Variants in GNAI1 observed in about 807,000 individuals in gnomAD.
The protein encoded by GNAI1 is G protein subunit alpha i1.
A neutral mutation model predicts 38.9 loss-of-function variants in GNAI1; 11 were observed. The observed-to-expected ratio is 0.28, with a 90% CI of 0.18 to 0.47. The LOEUF (loss-of-function observed/expected upper bound fraction) is 0.47. Among genes scored for constraint, GNAI1 ranks in the 20% least tolerant of loss-of-function variants. GNAI1 has a pLI of 0.99. For missense variants in GNAI1, 317 were observed against 436.9 expected (o/e 0.73, Z 2.45); for synonymous variants, 166 against 145.1 (o/e 1.14, Z -1.04).
chr7:80,143,609 A>G (rs1478822252), intron 1 of GNAI1, among the ~76,000 whole-genome samples: 2 of 152,008 alleles, frequency 1.3e-5, no homozygotes, highest in Non-Finnish European at 2.9e-5. Flanking sequence ...TTGACTTAGA[A>G]CTCTGGTGGT....
chr7:80,140,549 A>T (rs933763501), intron 1 of GNAI1, among the ~76,000 whole-genome samples: 1 of 152,178 alleles, frequency 6.6e-6, no homozygotes, highest in Non-Finnish European at 1.5e-5. Context: ...TCTTGGTCAC[A>T]TGTTCTGGCA....
At chr7:80,172,775 C>T (rs149782053) in intron 1 of GNAI1, among the ~76,000 whole-genome samples, 19 of 152,204 alleles carry the variant, frequency 1.2e-4, no homozygotes, top group South Asian at 6.2e-4. Context: ...ATTTTCTTTC[C>T]GTGGCATTCA....
In GNAI1 at chr7:80,199,246, G is replaced by A; in HGVS notation, c.325G>A (p.Val109Met). Residue 109 changes from valine to methionine, a missense_variant, in exon 4 of 8, where the codon GTG (valine) becomes ATG (methionine). This residue lies in a region of GNAI1 where 67 missense variants were observed against 61.5 expected (regional missense o/e 1.09). Transcript: ENST00000649796. ...ARADDARQLF[V>M]LAGAAEEGFM... ...TCAGGATGATGCACGCCAACTCTTT[G>A]TGCTAGCTGGAGCTGCTGAAGAAGG... 1 of 1,611,928 alleles carries A rather than the reference G, an allele frequency of 6.2e-7. No individual in the cohort carries two copies. The highest frequency in any genetic ancestry group is 8.5e-7 in the Non-Finnish European group (1 of 1,179,060).
chr7:80,219,651 C>A lies in GNAI1; in HGVS notation c.*2158C>A, dbSNP rs4458811. Among the ~76,000 whole-genome samples, 58,166 of 151,956 alleles carry A rather than the reference C, an allele frequency of 0.38. 11,740 individuals are homozygous for A. Among genetic ancestry groups the A allele is most frequent in the African/African-American group, 0.5 (20,825 of 41,442 alleles). On this transcript the variant is annotated 3_prime_UTR_variant, in exon 8 of 8. Transcript: ENST00000649796. Reference sequence around the variant, plus strand: ...TAAATTCATCATCATTCTCTCCTTACACCAGTTCTCACCCTGACTTTGCCA... The same window carrying A: ...TAAATTCATCATCATTCTCTCCTTAAACCAGTTCTCACCCTGACTTTGCCA...
At chr7:80,199,164 T>A (rs530841122) in intron 3 of GNAI1, 61 bp from the exon 4 acceptor site, 1 of 1,213,124 alleles carries the variant, frequency 8.2e-7, no homozygotes, top group African/African-American at 1.5e-5. Flanking sequence ...AATTGTCTCC[T>A]TTGTACTTTT....
intron 7 of GNAI1, 59 bp from the exon 8 acceptor site, chr7:80,217,244 T>TTTCATATGTATGAAACTGTAGTC: frequency 9.1e-7 from 1 of 1,093,800 alleles, no homozygotes; most frequent in Non-Finnish European, 1.3e-6. Flanking sequence ...CTGAATTCAG[T>TTTCATATGTATGAAACTGTAGTC]ATTTTAAGCA....
At chr7:80,143,372 C>T (rs1359027268) in intron 1 of GNAI1, among the ~76,000 whole-genome samples, 1 of 152,092 alleles carries the variant, frequency 6.6e-6, no homozygotes, top group South Asian at 2.1e-4. Context: ...GCTTGCCTCT[C>T]AGATATTACT....
At chr7:80,195,997 TC>T (rs1412890614) in intron 3 of GNAI1, among the ~76,000 whole-genome samples, 1 of 151,968 alleles carries the variant, frequency 6.6e-6, no homozygotes, top group Non-Finnish European at 1.5e-5. Flanking sequence ...AGTCTTCTCC[TC>T]CCATCCTAGG....
At chr7:80,155,607 G>A (rs1787804636) in intron 1 of GNAI1, among the ~76,000 whole-genome samples, 1 of 152,126 alleles carries the variant, frequency 6.6e-6, no homozygotes, top group South Asian at 2.1e-4. Flanking sequence ...AGGTGTCAAA[G>A]TCAGTGAGTA....
intron 1 of GNAI1, among the ~76,000 whole-genome samples, chr7:80,159,212 G>A (rs538564262): frequency 2.6e-5 from 4 of 152,202 alleles, no homozygotes; most frequent in African/African-American, 9.6e-5. Context: ...TTTTTTGGGG[G>A]GGCTTACTTG....
intron 1 of GNAI1, among the ~76,000 whole-genome samples, chr7:80,176,024 G>T (rs77529358): frequency 3.0e-3 from 456 of 152,344 alleles, no homozygotes; most frequent in Non-Finnish European, 4.5e-3. Flanking sequence ...TGCTAGTGCT[G>T]TTGCACCTGA....
In GNAI1 at chr7:80,208,291, C is replaced by T. The variant is rs183512701; in HGVS notation, c.591-2678C>T. ...TTTTAAATAGAAGTTCAGAACTTAA[C>T]AGTATATAAAATAATGAAGATACTT... is the stretch of plus-strand genomic sequence containing the variant. On this transcript the variant is annotated intron_variant, in intron 5 of 7. Coordinates refer to ENST00000649796, the MANE Select transcript of GNAI1 (RefSeq NM_002069.6). Among the ~76,000 whole-genome samples the T allele has an allele frequency of 4.6e-5, 7 of 152,142 alleles. No individual in the cohort carries two copies. The East Asian group carries it at 5.8e-4, about 13-fold the overall frequency.
chr7:80,190,340 A>G (rs899934326), intron 3 of GNAI1, among the ~76,000 whole-genome samples: 5 of 152,120 alleles, frequency 3.3e-5, no homozygotes, highest in East Asian at 1.9e-4. Context: ...GCTTACTGTC[A>G]TTAATTAAAA....
intron 5 of GNAI1, among the ~76,000 whole-genome samples, chr7:80,210,378 A>C (rs2115704324): frequency 6.6e-6 from 1 of 152,146 alleles, no homozygotes; most frequent in Middle Eastern, 3.4e-3. Context: ...CTCATTTTGT[A>C]ATGTATCATG....
At chr7:80,211,568 G>A (rs2115708680) in intron 6 of GNAI1, among the ~76,000 whole-genome samples, 1 of 152,122 alleles carries the variant, frequency 6.6e-6, no homozygotes, top group Non-Finnish European at 1.5e-5. Flanking sequence ...ACAGGCACGT[G>A]CCACCACACC....
intron 1 of GNAI1, among the ~76,000 whole-genome samples, chr7:80,162,521 A>G (rs1057134838): frequency 6.6e-6 from 1 of 152,232 alleles, no homozygotes; most frequent in East Asian, 1.9e-4. Context: ...GAACTATCCT[A>G]CATCTTTACG....
chr7:80,173,492 C>G (rs914010751), intron 1 of GNAI1, among the ~76,000 whole-genome samples: 19 of 152,246 alleles, frequency 1.2e-4, no homozygotes, highest in Non-Finnish European at 1.3e-4. Flanking sequence ...AGCCTTAGTC[C>G]TGTCTGATAA....
chr7:80,201,127 C>A (rs1364791725), intron 4 of GNAI1, among the ~76,000 whole-genome samples: 4 of 152,044 alleles, frequency 2.6e-5, no homozygotes, highest in Admixed American at 2.0e-4. Context: ...ATTCATAAAC[C>A]AGACATCACA....
intron 7 of GNAI1, 99 bp from the exon 8 acceptor site, chr7:80,217,204 G>C (rs74877483): frequency 1.5e-3 from 758 of 513,314 alleles, no homozygotes; most frequent in Non-Finnish European, 2.1e-3. Context: ...GAAACTGTAT[G>C]AAACTGACTT....
Sources: gnomAD v4.1 joint callset for allele counts (sites outside exome capture counted in the v4.1 genomes callset) on GRCh38, gnomAD v4.1.1 for gene constraint, gnomAD v4.1.1 regional missense constraint, MANE v1.5 for transcripts, NCBI Gene and HGNC (gene_info 2026-07-23, HGNC 2026-07-21) for gene names.